SLC24A4: variants seen among roughly 807,000 people sequenced by gnomAD.
SLC24A4 encodes solute carrier family 24 member 4.
Under a neutral mutation model 79.0 loss-of-function variants are expected in SLC24A4, and 53 were observed. The observed-to-expected ratio is 0.67, with a 90% CI of 0.54 to 0.84. The LOEUF is 0.84. Among genes scored for constraint, SLC24A4 ranks in the 40% least tolerant of loss-of-function variants. The probability of loss-of-function intolerance (pLI) is 0.00; values close to 1 mark genes in which losing one functional copy is unlikely to be tolerated. For missense variants in SLC24A4, 731 were observed against 822.0 expected, an observed-to-expected ratio of 0.89 and a Z score of 1.35; for synonymous variants, 323 against 323.8, an observed-to-expected ratio of 1.00 and a Z score of 0.03.
intron 2 of SLC24A4, among the ~76,000 whole-genome samples, chr14:92,364,045 T>C (rs1274805572): frequency 6.6e-6 from 1 of 152,122 alleles, no homozygotes; most frequent in Non-Finnish European, 1.5e-5. Context: ...TCTTGCTCCT[T>C]CTTCTGCTCG....
intron 2 of SLC24A4, among the ~76,000 whole-genome samples, chr14:92,392,248 A>C (rs1205518463): frequency 6.6e-6 from 1 of 151,338 alleles, no homozygotes; most frequent in Non-Finnish European, 1.5e-5. Context: ...GCTGAAAAGC[A>C]TATTGGGTGG....
chr14:92,327,774 A>G (rs998049739), intron 2 of SLC24A4, among the ~76,000 whole-genome samples: 1 of 152,198 alleles, frequency 6.6e-6, no homozygotes, highest in African/African-American at 2.4e-5. Context: ...AAATCATTCA[A>G]TTAACATATA....
At chr14:92,331,616 C>T (rs780843994) in intron 2 of SLC24A4, among the ~76,000 whole-genome samples, 3 of 152,228 alleles carry the variant, frequency 2.0e-5, no homozygotes, top group Non-Finnish European at 4.4e-5. Flanking sequence ...ACTGTATTAT[C>T]TGCCTCCCCT....
chr14:92,442,149 C>T lies in SLC24A4; in HGVS notation c.454C>T (p.Pro152Ser). The T allele has an allele frequency of 6.2e-7, 1 of 1,613,846 alleles. No individual in the cohort carries two copies. Among genetic ancestry groups the T allele is most frequent in the Non-Finnish European group, 8.5e-7 (1 of 1,179,876 alleles). The change falls in exon 5 of 17, where the codon CCA becomes TCA. Residue 152 changes from proline to serine, a missense_variant. By Grantham distance (74) the Pro-to-Ser change is moderately conservative (BLOSUM62 -1). Transcript: ENST00000532405. ...CTTCATGGCTGCAGGAAGCTCAACG[C>T]CAGAGCTGTTTGCGTCTGTTATTGG... ...ATFMAAGSST[P>S]ELFASVIGVF...
intron 2 of SLC24A4, among the ~76,000 whole-genome samples, chr14:92,391,596 A>G (rs1889464727): frequency 6.6e-6 from 1 of 152,206 alleles, no homozygotes; most frequent in Non-Finnish European, 1.5e-5. Context: ...GTCCCATCCC[A>G]CATGCTCTTC....
intron 1 of SLC24A4, among the ~76,000 whole-genome samples, chr14:92,324,333 A>G (rs893347647): frequency 6.6e-6 from 1 of 152,136 alleles, no homozygotes; most frequent in Non-Finnish European, 1.5e-5. Flanking sequence ...CCGCTTTCCT[A>G]TTCTGCAGAG....
At chr14:92,384,619 AC>A (rs1889044982) in intron 2 of SLC24A4, among the ~76,000 whole-genome samples, 1 of 152,172 alleles carries the variant, frequency 6.6e-6, no homozygotes, top group African/African-American at 2.4e-5. Context: ...CAGAGCCCCA[AC>A]AGGTCAATCC....
chr14:92,448,222 T>C (rs1303643756), intron 9 of SLC24A4, among the ~76,000 whole-genome samples: 2 of 152,164 alleles, frequency 1.3e-5, no homozygotes, highest in East Asian at 3.8e-4. Context: ...TACAAATGGT[T>C]TGGGAACCGT....
intron 2 of SLC24A4, among the ~76,000 whole-genome samples, chr14:92,423,112 C>G (rs1365911628): frequency 2.0e-5 from 3 of 150,318 alleles, no homozygotes; most frequent in Non-Finnish European, 4.4e-5. Flanking sequence ...CACCCAGCCC[C>G]TAATTTACTT....
intron 2 of SLC24A4, among the ~76,000 whole-genome samples, chr14:92,411,816 T>C (rs1890733653): frequency 6.6e-6 from 1 of 152,132 alleles, no homozygotes; most frequent in Non-Finnish European, 1.5e-5. Context: ...GACAAGACTG[T>C]CAAATAATCT....
intron 2 of SLC24A4, among the ~76,000 whole-genome samples, chr14:92,340,813 A>G (rs758117548): frequency 6.6e-6 from 1 of 151,934 alleles, no homozygotes; most frequent in Non-Finnish European, 1.5e-5. Context: ...AGTTTATTAC[A>G]TTTTTTAGAT....
At chr14:92,440,299 C>T (rs763424022) in intron 4 of SLC24A4, among the ~76,000 whole-genome samples, 2 of 152,160 alleles carry the variant, frequency 1.3e-5, no homozygotes, top group East Asian at 1.9e-4. Context: ...TCCATCCAGA[C>T]GCTTGTCAGT....
chr14:92,466,709 G>A (rs1341993786), intron 12 of SLC24A4, among the ~76,000 whole-genome samples: 3 of 152,148 alleles, frequency 2.0e-5, no homozygotes, highest in Non-Finnish European at 4.4e-5. Flanking sequence ...GTTGACACCT[G>A]CCCACTGGTA....
chr14:92,398,683 C>T lies in SLC24A4; in HGVS notation c.242-35229C>T, dbSNP rs1239155075. Among the ~76,000 whole-genome samples the T allele has an allele frequency of 1.3e-5, 2 of 152,118 alleles. No individual in the cohort carries two copies. The highest frequency in any genetic ancestry group is 1.5e-5 in the Non-Finnish European group (1 of 68,028). On this transcript the variant is annotated intron_variant, in intron 2 of 16. Coordinates refer to ENST00000532405, the MANE Select transcript of SLC24A4 (RefSeq NM_153646.4). This position sits in a 1 kb window ranked among gnomAD's most constrained non-coding sequence, Gnocchi z 4.1. ...TACCCCTTCCTCGTGTTAGCCAAAG[C>T]GAGAAGGGGGGTTACTGTAGTTGCT...
In SLC24A4 at chr14:92,324,175, T is replaced by TG. The variant is rs375734301; in HGVS notation, c.130+222dup. On this transcript the variant is annotated intron_variant, in intron 1 of 16. Coordinates refer to ENST00000532405, the MANE Select transcript of SLC24A4 (RefSeq NM_153646.4). ...GTTCCCCTGAGCTACGAGCGGCCCC[T>TG]GGGGGGGCTCAGGACGCGGCTGCAG... Among the ~76,000 whole-genome samples, 1,273 of 152,200 alleles carry TG rather than the reference T, an allele frequency of 8.4e-3. 15 individuals carry two copies. Among genetic ancestry groups the TG allele is most frequent in the Middle Eastern group, 0.027 (8 of 294 alleles).
At chr14:92,464,798 G>T (rs1894011124) in intron 12 of SLC24A4, among the ~76,000 whole-genome samples, 2 of 152,224 alleles carry the variant, frequency 1.3e-5, no homozygotes, top group Admixed American at 1.3e-4. Context: ...CACGGGCGTT[G>T]TAGTGAAGCT....
chr14:92,400,247 A>T (rs112700303), intron 2 of SLC24A4, among the ~76,000 whole-genome samples: 3,662 of 152,030 alleles, frequency 0.024, 109 homozygotes, highest in Admixed American at 0.085. Context: ...GAGAACATCC[A>T]GGCCAACATG....
At chr14:92,335,569 G>A (rs1885740436) in intron 2 of SLC24A4, among the ~76,000 whole-genome samples, 1 of 151,456 alleles carries the variant, frequency 6.6e-6, no homozygotes, top group Non-Finnish European at 1.5e-5. Context: ...CACCATGTTA[G>A]TCAGGCTGGT....
intron 2 of SLC24A4, among the ~76,000 whole-genome samples, chr14:92,347,341 T>C (rs967195918): frequency 6.6e-6 from 1 of 152,224 alleles, no homozygotes; most frequent in East Asian, 1.9e-4. Flanking sequence ...ATTCGTGATA[T>C]AAGACCTTAC....
Sources: gnomAD v4.1 joint callset for allele counts (sites outside exome capture counted in the v4.1 genomes callset) on GRCh38, gnomAD v4.1.1 for gene constraint, Gnocchi (gnomAD v3.1) non-coding constraint, MANE v1.5 for transcripts, NCBI Gene and HGNC (gene_info 2026-07-23, HGNC 2026-07-21) for gene names.